The following CSMD2 variants were observed in gnomAD, a reference collection of about 807,000 sequenced individuals.
The protein encoded by CSMD2 is CUB and Sushi multiple domains 2.
In CSMD2, 130 loss-of-function variants were observed where a neutral mutation model predicts 398.5. That is an observed-to-expected ratio of 0.33 (90% CI 0.28 to 0.38). The LOEUF (loss-of-function observed/expected upper bound fraction) is 0.38. Among genes scored for constraint, CSMD2 ranks in the 10% least tolerant of loss-of-function variants. CSMD2 has a pLI of 1.00. For synonymous variants in CSMD2, 1,828 were observed against 1,908.5 expected (o/e 0.96, Z 1.10); for missense variants, 3,829 against 4,764.9 (o/e 0.80, Z 5.78).
intron 56 of CSMD2, among the ~76,000 whole-genome samples, chr1:33,548,540 G>C (rs1224750257): frequency 6.6e-6 from 1 of 152,192 alleles, no homozygotes; most frequent in African/African-American, 2.4e-5. Flanking sequence ...TGCACACAAT[G>C]AGACTAAAAA....
At chr1:33,714,910 A>T (rs1646117177) in intron 20 of CSMD2, 135 bp from the exon 21 acceptor site, 1 of 800,904 alleles carries the variant, frequency 1.2e-6, no homozygotes, top group Non-Finnish European at 2.0e-6. Flanking sequence ...GCATGCGCAC[A>T]CTGGCCCACA....
At chr1:34,123,301 G>A (rs1662385862) in intron 1 of CSMD2, among the ~76,000 whole-genome samples, 1 of 152,148 alleles carries the variant, frequency 6.6e-6, no homozygotes, top group Non-Finnish European at 1.5e-5. Context: ...AAGAGGACGG[G>A]GTCCAGAGAG....
At chr1:33,712,580 T>C (rs985580884) in intron 21 of CSMD2, among the ~76,000 whole-genome samples, 3 of 152,292 alleles carry the variant, frequency 2.0e-5, no homozygotes, top group Admixed American at 6.5e-5. Context: ...AATGAAAATA[T>C]TGTGAGGTGT....
At chr1:34,115,018 A>C (rs931772416) in intron 1 of CSMD2, among the ~76,000 whole-genome samples, 10 of 152,148 alleles carry the variant, frequency 6.6e-5, no homozygotes, top group African/African-American at 2.4e-4. Flanking sequence ...CAGTGAACTC[A>C]AAAACAGGTC....
chr1:33,917,850 C>T (rs541883874), intron 5 of CSMD2, among the ~76,000 whole-genome samples: 32 of 152,308 alleles, frequency 2.1e-4, no homozygotes, highest in Admixed American at 8.5e-4. Context: ...CAAGACCCAT[C>T]ATAAAAATCT....
At chr1:33,588,858 A>C (rs1170129704) in intron 44 of CSMD2, among the ~76,000 whole-genome samples, 2 of 152,196 alleles carry the variant, frequency 1.3e-5, no homozygotes, top group East Asian at 3.8e-4. Context: ...TACAATGAAC[A>C]GCATGGAGTG....
chr1:33,783,385 A>G (rs1415207485), intron 12 of CSMD2, among the ~76,000 whole-genome samples: 1 of 151,378 alleles, frequency 6.6e-6, no homozygotes, highest in African/African-American at 2.4e-5. Flanking sequence ...CCCCGATCTG[A>G]GAGGATGGAT....
rs746495395 is a variant in CSMD2, at chr1:33,739,329, G to C, written c.2179C>G (p.Arg727Gly). Residue 727 changes from arginine to glycine, a missense_variant, in exon 15 of 71, where the codon CGA becomes GGA. By Grantham distance (125) the Arg-to-Gly change is moderately radical. This residue lies in a region of CSMD2 where 2,001 missense variants were observed against 2,567.1 expected (regional missense o/e 0.78). Coordinates refer to ENST00000373381, the MANE Select transcript of CSMD2 (RefSeq NM_001281956.2). ...RGFNITFTTF[R>G]HNECPDPGVP... is the part of the protein sequence containing the mutation. Reference sequence around the variant, plus strand: ...CCAGGATCCGGGCACTCGTTGTGTCGGAAGGCTGTGTAGATGGAGTTCAAG... The same window carrying C: ...CCAGGATCCGGGCACTCGTTGTGTCCGAAGGCTGTGTAGATGGAGTTCAAG... The C allele has an allele frequency of 1.2e-6, 2 of 1,612,346 alleles. No homozygotes were observed. Among genetic ancestry groups the C allele is most frequent in the South Asian group, 2.2e-5 (2 of 90,862 alleles).
In CSMD2 at chr1:34,146,868, C is replaced by T. The variant is rs796959926; in HGVS notation, c.187+18043G>A. ...TCAGTGTGTGGAGTGGGGAGTTATG[C>T]GGTTCTGGAGTTCAGGAGCAAGGTC... On this transcript the variant is annotated intron_variant, in intron 1 of 70. Transcript: ENST00000373381. 2.6e-5 allele frequency among the ~76,000 whole-genome samples: 4 copies of T among 152,098 alleles called. No individual in the cohort carries two copies. The South Asian group carries it at 6.2e-4, about 24-fold the overall frequency.
At chr1:33,552,422 T>C (rs534874812) in intron 55 of CSMD2, among the ~76,000 whole-genome samples, 1 of 152,320 alleles carries the variant, frequency 6.6e-6, no homozygotes, top group African/African-American at 2.4e-5. Context: ...CCAAGAGAAT[T>C]GACAACGTGT....
At chr1:33,678,889 T>C (rs1644809635) in intron 25 of CSMD2, among the ~76,000 whole-genome samples, 1 of 152,106 alleles carries the variant, frequency 6.6e-6, no homozygotes, top group Non-Finnish European at 1.5e-5. Context: ...AGTGGAAAAA[T>C]AAAACTGGGC....
At chr1:33,738,812 G>A (rs183172814) in intron 15 of CSMD2, among the ~76,000 whole-genome samples, 1 of 152,334 alleles carries the variant, frequency 6.6e-6, no homozygotes, top group East Asian at 1.9e-4. Context: ...TTGGGCTGCC[G>A]GAGCTCCCCT....
intron 44 of CSMD2, chr1:33,591,995 A>G: frequency 9.1e-6 from 2 of 218,784 alleles, no homozygotes; most frequent in South Asian, 1.3e-4. Context: ...CTTCATGCAC[A>G]TATCTTTGCA....
intron 1 of CSMD2, among the ~76,000 whole-genome samples, chr1:34,126,527 T>C (rs756062041): frequency 7.2e-5 from 11 of 152,228 alleles, no homozygotes; most frequent in Non-Finnish European, 1.5e-4. Context: ...CCAAGTATTA[T>C]GTGTGGGACA....
At position 33,784,336 on chromosome 1, in the gene CSMD2, C is replaced by T. The variant is rs893075611; in HGVS notation, c.1663+4264G>A. 4.0e-5 allele frequency among the ~76,000 whole-genome samples: 6 copies of T among 151,800 alleles called. No individual in the cohort carries two copies. In the South Asian group the frequency reaches 1.0e-3, roughly 26 times the overall value. On this transcript the variant is annotated intron_variant, in intron 12 of 70. Coordinates refer to ENST00000373381, the MANE Select transcript of CSMD2 (RefSeq NM_001281956.2). ...GATGGGCAAGGACAGGGAGTCACAT[C>T]GGGGTGCCGGGGACTCAACCCACCC...
chr1:34,060,337 G>C (rs1654331243), intron 2 of CSMD2, among the ~76,000 whole-genome samples: 1 of 152,202 alleles, frequency 6.6e-6, no homozygotes, highest in Non-Finnish European at 1.5e-5. Flanking sequence ...GTGCCAACAT[G>C]ACAGCTGACT....
intron 4 of CSMD2, among the ~76,000 whole-genome samples, chr1:33,933,806 A>G (rs1323045255): frequency 6.6e-6 from 1 of 152,170 alleles, no homozygotes; most frequent in Non-Finnish European, 1.5e-5. Context: ...TTAGGAAAGC[A>G]GGAAAGGGAA....
At chr1:33,587,284 A>G (rs1639153144) in intron 44 of CSMD2, 116 bp from the exon 45 acceptor site, 6 of 777,704 alleles carry the variant, frequency 7.7e-6, no homozygotes, top group Non-Finnish European at 1.0e-5. Context: ...ACAGATATTC[A>G]TGAGTACTTA....
chr1:33,899,806 C>T (rs2125232777), intron 5 of CSMD2, among the ~76,000 whole-genome samples: 1 of 152,276 alleles, frequency 6.6e-6, no homozygotes, highest in East Asian at 1.9e-4. Flanking sequence ...GAGTAAAAGC[C>T]ATTATTGTTC....
Sources: gnomAD v4.1 joint callset for allele counts (sites outside exome capture counted in the v4.1 genomes callset) on GRCh38, gnomAD v4.1.1 for gene constraint, gnomAD v4.1.1 regional missense constraint, MANE v1.5 for transcripts, NCBI Gene and HGNC (gene_info 2026-07-23, HGNC 2026-07-21) for gene names.